The following TMEM245 variants were observed in gnomAD, a reference collection of about 807,000 sequenced individuals.
TMEM245 encodes transmembrane protein 245.
A neutral mutation model predicts 101.2 loss-of-function variants in TMEM245; 69 were observed. The ratio of observed to expected loss-of-function variants is 0.68; its 90% CI spans 0.56 to 0.83. The LOEUF (loss-of-function observed/expected upper bound fraction) is 0.83. TMEM245 is among the 40% of genes least tolerant of loss of function. TMEM245 has a pLI of 0.00. For synonymous variants in TMEM245, 537 were observed against 449.8 expected, an observed-to-expected ratio of 1.19 and a Z score of -2.45; for missense variants, 1,075 against 1,092.8, an observed-to-expected ratio of 0.98 and a Z score of 0.23.
At chr9:109,065,079 C>A (rs1202813934) in intron 9 of TMEM245, among the ~76,000 whole-genome samples, 3 of 152,208 alleles carry the variant, frequency 2.0e-5, no homozygotes, top group African/African-American at 7.2e-5. Flanking sequence ...AGCCATGGCA[C>A]CAGGCCTCAA....
intron 12 of TMEM245, among the ~76,000 whole-genome samples, chr9:109,056,847 C>T (rs1828854172): frequency 1.3e-5 from 2 of 152,156 alleles, no homozygotes; most frequent in Admixed American, 6.5e-5. Flanking sequence ...AGGTGACAAG[C>T]TAAGCATTCA....
At position 109,119,411 on chromosome 9, in the gene TMEM245, T is replaced by G; in HGVS notation, c.503A>C (p.Tyr168Ser). 1 of 1,526,820 alleles carries G rather than the reference T, an allele frequency of 6.5e-7. No homozygotes were observed. The highest frequency in any genetic ancestry group is 8.8e-7 in the Non-Finnish European group (1 of 1,141,566). The allele number at this position is 1,526,820 out of a possible 1,614,324, so 94.6% of individuals were successfully genotyped here. Reference sequence around the variant, plus strand: ...CACCAGCAGCACCTGCACGCCCAAGTAGCTGCCGAGGCAGTAGAGGCCGTA... The same window carrying G: ...CACCAGCAGCACCTGCACGCCCAAGGAGCTGCCGAGGCAGTAGAGGCCGTA... ...LLYGLYCLGSYLGVQVLLVHA... is the reference protein window; with the variant it reads ...LLYGLYCLGSSLGVQVLLVHA... Residue 168 changes from tyrosine to serine, a missense_variant, in exon 1 of 18, where the codon TAC becomes TCC. Transcript: ENST00000374586.
chr9:109,051,354 T>C (rs1376845136), intron 12 of TMEM245, among the ~76,000 whole-genome samples: 2 of 147,936 alleles, frequency 1.4e-5, no homozygotes, highest in African/African-American at 2.6e-5. Flanking sequence ...TTGTAGATTA[T>C]GTAAAAATCG....
intron 1 of TMEM245, among the ~76,000 whole-genome samples, chr9:109,117,968 C>T (rs1226131570): frequency 6.6e-6 from 1 of 152,212 alleles, no homozygotes; most frequent in African/African-American, 2.4e-5. Context: ...ACTGGGCCTC[C>T]ATAAAAGTGA....
At chr9:109,049,053 T>C (rs1198803658) in intron 14 of TMEM245, among the ~76,000 whole-genome samples, 2 of 152,084 alleles carry the variant, frequency 1.3e-5, no homozygotes, top group African/African-American at 4.8e-5. Context: ...CTGAAAGAAG[T>C]TGGAGATGGG....
At chr9:109,087,071 G>T in intron 6 of TMEM245, 102 bp downstream of exon 6, 1 of 970,414 alleles carries the variant, frequency 1.0e-6, no homozygotes, top group Non-Finnish European at 1.5e-6. Context: ...GATATTACAT[G>T]TGTTATCAAC....
chr9:109,084,632 A>AT (rs1829781411), intron 7 of TMEM245, among the ~76,000 whole-genome samples: 1 of 152,234 alleles, frequency 6.6e-6, no homozygotes, highest in Admixed American at 6.5e-5. Context: ...GTGAGCTTTC[A>AT]TTGTGCCACT....
chr9:109,100,989 A>G (rs1830268483), intron 3 of TMEM245, among the ~76,000 whole-genome samples: 1 of 152,120 alleles, frequency 6.6e-6, no homozygotes, highest in African/African-American at 2.4e-5. Context: ...CTCAGCAATG[A>G]TCCACAAGAA....
rs1029294797 is a variant in TMEM245, at chr9:109,018,723, G to C, written c.*1737C>G. On this transcript the variant is annotated 3_prime_UTR_variant, in exon 18 of 18. Transcript: ENST00000374586. ...CAAAAAGGAAATCTTCAACGCTTAA[G>C]AACTACCCCCCAACACTTTTTTTTT... 3 of 151,126 alleles carry C rather than the reference G, an allele frequency of 2.0e-5. No homozygotes were observed. The highest frequency in any genetic ancestry group is 2.9e-5 in the Non-Finnish European group (2 of 67,824). 9.4% of individuals were successfully genotyped at this position (151,126 alleles called of 1,614,324 possible). A position where few individuals can be genotyped will look rare whatever the true frequency, so the allele number is the denominator to read the frequency against.
At position 109,018,243 on chromosome 9, in the gene TMEM245, T is replaced by A. The variant is rs749909869; in HGVS notation, c.*2217A>T. ...AATTACATCTATAAATCAACCAGTATATAATTAACAAAAACAAATGATTTT... is the reference window on the plus strand; with the variant it reads ...AATTACATCTATAAATCAACCAGTAAATAATTAACAAAAACAAATGATTTT... On this transcript the variant is annotated 3_prime_UTR_variant, in exon 18 of 18. Coordinates refer to ENST00000374586, the MANE Select transcript of TMEM245 (RefSeq NM_032012.4). The A allele has an allele frequency of 6.6e-6, 1 of 152,238 alleles. No individual in the cohort carries two copies. The highest frequency in any genetic ancestry group is 2.4e-5 in the African/African-American group (1 of 41,470). 9.4% of individuals were successfully genotyped at this position (152,238 alleles called of 1,614,324 possible).
At chr9:109,070,699 T>A (rs1373102954) in intron 9 of TMEM245, among the ~76,000 whole-genome samples, 4 of 152,156 alleles carry the variant, frequency 2.6e-5, no homozygotes, top group African/African-American at 9.7e-5. Flanking sequence ...ATAATAAACA[T>A]ATCTATCACT....
intron 8 of TMEM245, among the ~76,000 whole-genome samples, chr9:109,076,463 T>C (rs968287424): frequency 4.0e-4 from 61 of 152,044 alleles, no homozygotes; most frequent in African/African-American, 1.2e-3. Context: ...CACACCAACA[T>C]GGCACACGTA....
chr9:109,043,823 T>G (rs1828391945), intron 14 of TMEM245, among the ~76,000 whole-genome samples: 1 of 152,188 alleles, frequency 6.6e-6, no homozygotes, highest in Non-Finnish European at 1.5e-5. Flanking sequence ...GCAGGATTCC[T>G]GTCCATTGGA....
chr9:109,071,247 G>A (rs1043307862), intron 9 of TMEM245, among the ~76,000 whole-genome samples: 2 of 151,682 alleles, frequency 1.3e-5, no homozygotes, highest in African/African-American at 4.8e-5. Flanking sequence ...TTTTTTTAAT[G>A]CTGTATAATA....
At position 109,073,974 on chromosome 9, in the gene TMEM245, C is replaced by T. The variant is rs971633676; in HGVS notation, c.1450-536G>A. 2.0e-5 allele frequency among the ~76,000 whole-genome samples: 3 copies of T among 150,762 alleles called. No individual in the cohort carries two copies. The South Asian group carries it at 6.2e-4, about 31-fold the overall frequency. On this transcript the variant is annotated intron_variant, in intron 8 of 17. Coordinates refer to ENST00000374586, the MANE Select transcript of TMEM245 (RefSeq NM_032012.4). ...CCCCCACGTTCAAGCGATTCTCGTG[C>T]CTCAGTCTCCTGAGTAGCTGGGATT...
At chr9:109,028,103 T>C (rs1389741238) in intron 17 of TMEM245, among the ~76,000 whole-genome samples, 2 of 152,092 alleles carry the variant, frequency 1.3e-5, no homozygotes, top group African/African-American at 2.4e-5. Flanking sequence ...CTCACATCTT[T>C]TTTGCACTTT....
intron 1 of TMEM245, among the ~76,000 whole-genome samples, chr9:109,113,913 A>C (rs1261789806): frequency 6.6e-6 from 1 of 152,188 alleles, no homozygotes; most frequent in Non-Finnish European, 1.5e-5. Flanking sequence ...AACATGGTGG[A>C]ACCCCGTCTC....
At position 109,119,582 on chromosome 9, in the gene TMEM245, C is replaced by T. The variant is rs775673988; in HGVS notation, c.332G>A (p.Arg111His). The T allele has an allele frequency of 2.6e-6, 4 of 1,547,086 alleles. No homozygotes were observed. Among genetic ancestry groups the T allele is most frequent in the South Asian group, 1.2e-5 (1 of 84,078 alleles). Reference protein sequence around the residue: ...LTRLGRHWLQRLHRAHTPIVL... With the variant: ...LTRLGRHWLQHLHRAHTPIVL... Reference sequence around the variant, plus strand: ...GATGGGCGTGTGCGCGCGGTGCAGGCGCTGCAGCCAGTGGCGGCCCAGGCG... The same window carrying T: ...GATGGGCGTGTGCGCGCGGTGCAGGTGCTGCAGCCAGTGGCGGCCCAGGCG... The change falls in exon 1 of 18, where the codon CGC (arginine) becomes CAC (histidine). Residue 111 changes from arginine (R) to histidine (H), a missense_variant. This residue lies in a region of TMEM245 where 808 missense variants were observed against 741.5 expected (regional missense o/e 1.09). Coordinates refer to ENST00000374586, the MANE Select transcript of TMEM245 (RefSeq NM_032012.4).
At chr9:109,086,042 G>A (rs777062391) in intron 6 of TMEM245, 22 bp from the exon 7 acceptor site, 1 of 1,613,056 alleles carries the variant, frequency 6.2e-7, no homozygotes, top group Admixed American at 1.7e-5. Flanking sequence ...GGGGTAAGGT[G>A]AGAAAGAGAA....
Sources: gnomAD v4.1 joint callset for allele counts (sites outside exome capture counted in the v4.1 genomes callset) on GRCh38, gnomAD v4.1.1 for gene constraint, gnomAD v4.1.1 regional missense constraint, MANE v1.5 for transcripts, NCBI Gene and HGNC (gene_info 2026-07-23, HGNC 2026-07-21) for gene names.